The following ZZZ3 variants were observed in gnomAD, a reference collection of about 807,000 sequenced individuals.
ZZZ3 encodes ZZ-type zinc finger-containing protein 3.
Under a neutral mutation model 95.2 loss-of-function variants are expected in ZZZ3, and 22 were observed. That is an observed-to-expected ratio of 0.23 (90% CI 0.17 to 0.33). ZZZ3 has a LOEUF of 0.33. ZZZ3 is among the 10% of genes least tolerant of loss of function. The pLI, the probability that ZZZ3 is intolerant of heterozygous loss-of-function variation, is 1.00. For synonymous variants in ZZZ3, 335 were observed against 358.9 expected, an observed-to-expected ratio of 0.93 and a Z score of 0.75; for missense variants, 885 against 1,066.5, an observed-to-expected ratio of 0.83 and a Z score of 2.37.
At chr1:77,591,369 G>A (rs1663678414) in intron 5 of ZZZ3, among the ~76,000 whole-genome samples, 2 of 151,656 alleles carry the variant, frequency 1.3e-5, no homozygotes, top group Non-Finnish European at 2.9e-5. Context: ...TTTCATTATA[G>A]ATGGTGTCTC....
At chr1:77,611,456 A>AT (rs1456178790) in intron 5 of ZZZ3, among the ~76,000 whole-genome samples, 3 of 152,012 alleles carry the variant, frequency 2.0e-5, no homozygotes, top group Non-Finnish European at 4.4e-5. Flanking sequence ...TTCCAATGTC[A>AT]TTTTTCATAG....
intron 5 of ZZZ3, among the ~76,000 whole-genome samples, chr1:77,625,727 C>A (rs938220483): frequency 1.3e-5 from 2 of 152,036 alleles, no homozygotes; most frequent in African/African-American, 4.8e-5. Flanking sequence ...TGGTGGCTCA[C>A]ACCTGTAATC....
At chr1:77,572,335 TTTTTGTTTTG>T (rs901768703) in intron 12 of ZZZ3, among the ~76,000 whole-genome samples, 1 of 152,150 alleles carries the variant, frequency 6.6e-6, no homozygotes, top group Non-Finnish European at 1.5e-5. Flanking sequence ...GTTTTGGGTT[TTTTTGTTTTG>T]TTTTGTTTTT....
At chr1:77,601,644 G>A (rs1345856903) in intron 5 of ZZZ3, among the ~76,000 whole-genome samples, 2 of 152,248 alleles carry the variant, frequency 1.3e-5, no homozygotes, top group South Asian at 2.1e-4. Flanking sequence ...TTAGCTTAGA[G>A]TAAAAGAGAG....
intron 14 of ZZZ3, 31 bp from the exon 15 acceptor site, chr1:77,565,815 A>G (rs747288558): frequency 3.2e-6 from 5 of 1,584,678 alleles, no homozygotes; most frequent in Non-Finnish European, 3.4e-6. Context: ...ACATCATTAC[A>G]TGGTAGTGGA....
At chr1:77,679,051 T>C (rs977894168) in intron 1 of ZZZ3, among the ~76,000 whole-genome samples, 3 of 151,804 alleles carry the variant, frequency 2.0e-5, no homozygotes, top group Middle Eastern at 3.4e-3. Flanking sequence ...ATGAGAAAAA[T>C]CAGCTGAAAA....
intron 5 of ZZZ3, among the ~76,000 whole-genome samples, chr1:77,608,050 T>C (rs1487465005): frequency 1.3e-5 from 2 of 152,134 alleles, no homozygotes; most frequent in Non-Finnish European, 2.9e-5. Context: ...TAAGAGTTAT[T>C]AGCCTTAAAG....
chr1:77,607,429 C>T (rs1570487388), intron 5 of ZZZ3, among the ~76,000 whole-genome samples: 1 of 152,264 alleles, frequency 6.6e-6, no homozygotes, highest in South Asian at 2.1e-4. Context: ...TTTGAGGAAA[C>T]TCAGAGAAAT....
In ZZZ3 at chr1:77,640,654, G is replaced by C. The variant is rs534333980; in HGVS notation, c.-206+730C>G. 2.0e-5 allele frequency among the ~76,000 whole-genome samples: 3 copies of C among 151,230 alleles called. No individual in the cohort carries two copies. The Middle Eastern group carries it at 0.01, about 525-fold the overall frequency. ...CAATCTGCTAAATGGGTTACTATGA[G>C]TGCCCATCTGAAAACAAGGAAGAGG... On this transcript the variant is annotated intron_variant, in intron 3 of 14. Transcript: ENST00000370801.
rs1666597441 is a variant in ZZZ3, at chr1:77,618,992, A to G, written c.1505+12858T>C. 2.6e-5 allele frequency among the ~76,000 whole-genome samples: 4 copies of G among 152,202 alleles called. No individual in the cohort carries two copies. The South Asian group carries it at 8.3e-4, about 31-fold the overall frequency. On this transcript the variant is annotated intron_variant, in intron 5 of 14. Coordinates refer to ENST00000370801, the MANE Select transcript of ZZZ3 (RefSeq NM_015534.6). ...GAATTCTTGAGTTTTCTCTCTTAAA[A>G]TAGAAAGCTAAATGCAACTATATTA... is the stretch of plus-strand genomic sequence containing the variant.
intron 4 of ZZZ3, among the ~76,000 whole-genome samples, chr1:77,638,879 T>TA (rs1349856437): frequency 1.3e-5 from 2 of 152,232 alleles, no homozygotes; most frequent in Non-Finnish European, 2.9e-5. Flanking sequence ...GCAGTGCAAT[T>TA]ACCACCATAT....
intron 11 of ZZZ3, among the ~76,000 whole-genome samples, chr1:77,578,047 C>G (rs1319247350): frequency 6.6e-6 from 1 of 152,068 alleles, no homozygotes; most frequent in African/African-American, 2.4e-5. Flanking sequence ...GGTTCCCAGA[C>G]TTAGCAGCTA....
chr1:77,569,208 G>A (rs748356155), intron 12 of ZZZ3, among the ~76,000 whole-genome samples: 1 of 152,128 alleles, frequency 6.6e-6, no homozygotes, highest in Non-Finnish European at 1.5e-5. Flanking sequence ...ATGGTGGCAC[G>A]CACCTGTAAT....
intron 1 of ZZZ3, among the ~76,000 whole-genome samples, chr1:77,657,504 C>T (rs1287960978): frequency 6.6e-6 from 1 of 152,164 alleles, no homozygotes; most frequent in African/African-American, 2.4e-5. Flanking sequence ...AGCAGAGAGT[C>T]ATTTTGTTTA....
intron 1 of ZZZ3, among the ~76,000 whole-genome samples, chr1:77,647,054 T>C (rs901126082): frequency 1.3e-5 from 2 of 152,120 alleles, no homozygotes; most frequent in Non-Finnish European, 2.9e-5. Flanking sequence ...CCAGAAAACA[T>C]GTAATAACTG....
chr1:77,627,176 A>T (rs1667411782), intron 5 of ZZZ3, among the ~76,000 whole-genome samples: 2 of 152,182 alleles, frequency 1.3e-5, no homozygotes, highest in South Asian at 4.1e-4. Flanking sequence ...TAGAAGTTTG[A>T]TCCTATTTAG....
chr1:77,586,051 T>G (rs776976212), intron 5 of ZZZ3, among the ~76,000 whole-genome samples: 1 of 152,228 alleles, frequency 6.6e-6, no homozygotes, highest in Admixed American at 6.5e-5. Context: ...AAGTCACTAC[T>G]GGATAAATTA....
intron 5 of ZZZ3, among the ~76,000 whole-genome samples, chr1:77,611,061 T>C (rs1665745431): frequency 6.6e-6 from 1 of 151,736 alleles, no homozygotes; most frequent in Non-Finnish European, 1.5e-5. Context: ...ATCTTATACA[T>C]AGAAAACCCT....
At chr1:77,612,222 A>G (rs1173145904) in intron 5 of ZZZ3, among the ~76,000 whole-genome samples, 1 of 152,028 alleles carries the variant, frequency 6.6e-6, no homozygotes, top group Non-Finnish European at 1.5e-5. Flanking sequence ...GGGAAATGCA[A>G]ATTAAGTCCA....
Sources: gnomAD v4.1 joint callset for allele counts (sites outside exome capture counted in the v4.1 genomes callset) on GRCh38, gnomAD v4.1.1 for gene constraint, MANE v1.5 for transcripts, NCBI Gene and HGNC (gene_info 2026-07-23, HGNC 2026-07-21) for gene names.